USP40: variants seen among roughly 807,000 people sequenced by gnomAD.
USP40 encodes ubiquitin specific peptidase 40.
USP40 carries 143 observed loss-of-function variants against 166.2 expected under a neutral mutation model. That is an observed-to-expected ratio of 0.86 (90% CI 0.75 to 0.99). The LOEUF (loss-of-function observed/expected upper bound fraction) is 0.99, where lower values mean the gene tolerates loss of function less well. USP40 is among the 50% of genes least tolerant of loss of function. The probability of loss-of-function intolerance (pLI) is 0.00; values close to 1 mark genes in which losing one functional copy is unlikely to be tolerated. For synonymous variants in USP40, 498 were observed against 524.0 expected (o/e 0.95, Z 0.68); for missense variants, 1,444 against 1,479.7 (o/e 0.98, Z 0.40).
chr2:233,532,077 A>T lies in USP40; in HGVS notation c.1471+1402T>A, dbSNP rs141695946. ...ATTGGCTGACCCCAACGAATCAGAC[A>T]GTGGGTGGAGTCTTCGTTTGCAACT... On this transcript the variant is annotated intron_variant, in intron 11 of 31. Transcript: ENST00000678225. Among the ~76,000 whole-genome samples, 979 of 152,346 alleles carry T rather than the reference A, an allele frequency of 6.4e-3. 4 individuals are homozygous for T. Among genetic ancestry groups the T allele is most frequent in the African/African-American group, 0.022 (926 of 41,590 alleles).
At chr2:233,494,832 A>C (rs1217710913) in intron 24 of USP40, among the ~76,000 whole-genome samples, 1 of 145,054 alleles carries the variant, frequency 6.9e-6, no homozygotes, top group Non-Finnish European at 1.5e-5. Context: ...TCTAAAAAAA[A>C]AAAAAAAAAA....
chr2:233,548,327 T>C (rs1463869992), intron 8 of USP40, among the ~76,000 whole-genome samples: 1 of 152,186 alleles, frequency 6.6e-6, no homozygotes, highest in Non-Finnish European at 1.5e-5. Flanking sequence ...TTAAATCCTA[T>C]TGTGAAAGCT....
chr2:233,479,551 G>T (rs2064409546), intron 31 of USP40, among the ~76,000 whole-genome samples: 1 of 147,800 alleles, frequency 6.8e-6, no homozygotes, highest in African/African-American at 2.6e-5. Context: ...GACAAGGTGG[G>T]ACTCCGTCGC....
intron 21 of USP40, among the ~76,000 whole-genome samples, chr2:233,507,581 C>T (rs1242712905): frequency 6.7e-6 from 1 of 150,316 alleles, no homozygotes; most frequent in East Asian, 1.9e-4. Flanking sequence ...CACAGAAAGG[C>T]TGATCGGTAA....
At chr2:233,535,260 A>G (rs2068852839) in intron 10 of USP40, among the ~76,000 whole-genome samples, 2 of 152,204 alleles carry the variant, frequency 1.3e-5, no homozygotes, top group African/African-American at 4.8e-5. Flanking sequence ...AGGAGGTTCA[A>G]TATCTGAGCA....
chr2:233,538,314 T>C (rs2069090049), intron 10 of USP40, among the ~76,000 whole-genome samples: 1 of 151,960 alleles, frequency 6.6e-6, no homozygotes. Flanking sequence ...TAACTAAACA[T>C]TCTAATAAAA....
At chr2:233,535,745 G>A (rs1477348340) in intron 10 of USP40, among the ~76,000 whole-genome samples, 3 of 152,082 alleles carry the variant, frequency 2.0e-5, no homozygotes, top group Non-Finnish European at 2.9e-5. Flanking sequence ...TATGGAGCAG[G>A]GGGGCAAGAC....
chr2:233,498,529 T>C lies in USP40; in HGVS notation c.2715+19A>G, dbSNP rs750144689. The C allele has an allele frequency of 1.9e-5, 30 of 1,604,954 alleles. No homozygotes were observed. Among genetic ancestry groups the C allele is most frequent in the Non-Finnish European group, 2.4e-5 (28 of 1,175,602 alleles). On this transcript the variant is annotated intron_variant, in intron 23 of 31. Transcript: ENST00000678225. ...TAAATGTAATCATACGAAAGTACAA[T>C]GTATAGAAATCATCTTACTTCTTCA...
intron 1 of USP40, among the ~76,000 whole-genome samples, chr2:233,566,437 G>A (rs1424664453): frequency 1.3e-5 from 2 of 152,188 alleles, no homozygotes; most frequent in Admixed American, 6.5e-5. Flanking sequence ...CCTCGAGCTC[G>A]TTGTCTGCAT....
intron 8 of USP40, among the ~76,000 whole-genome samples, chr2:233,545,204 A>T (rs1400108443): frequency 1.3e-5 from 2 of 152,214 alleles, no homozygotes; most frequent in Non-Finnish European, 2.9e-5. Flanking sequence ...TAATAAAATA[A>T]GTATGTTTAA....
chr2:233,488,167 G>T, intron 28 of USP40, 72 bp downstream of exon 28: 2 of 1,308,288 alleles, frequency 1.5e-6, no homozygotes, highest in Non-Finnish European at 2.2e-6. Flanking sequence ...CTATGAAGTT[G>T]TTAAAGCTTC....
intron 13 of USP40, among the ~76,000 whole-genome samples, chr2:233,526,830 T>C (rs983784088): frequency 1.3e-5 from 2 of 152,172 alleles, no homozygotes; most frequent in African/African-American, 4.8e-5. Context: ...TGTGTCTTCA[T>C]GAGATTAAAG....
At chr2:233,496,908 T>C in intron 23 of USP40, 76 bp from the exon 24 acceptor site, 1 of 1,068,254 alleles carries the variant, frequency 9.4e-7, no homozygotes. Flanking sequence ...TAAAACCCCA[T>C]GCCTCTATTA....
Position 233,523,382 on chromosome 2 carries a change from T to G in USP40, c.1989A>C (p.Glu663Asp). 1.2e-6 allele frequency: 2 copies of G among 1,614,008 alleles called. No homozygotes were observed. Among genetic ancestry groups the G allele is most frequent in the Non-Finnish European group, 1.7e-6 (2 of 1,179,884 alleles). ...SDGEKCCQVIESPHVFPANAE... is the reference protein window; with the variant it reads ...SDGEKCCQVIDSPHVFPANAE... ...CATTAGCTGGAAAGACATGTGGAGA[T>G]TCTATCACCTGACAACACTTTTCTC... Residue 663 changes from glutamate to aspartate, a missense_variant, in exon 16 of 32, where the codon GAA becomes GAC. By Grantham distance (45) the Glu-to-Asp change is conservative. Transcript: ENST00000678225.
At chr2:233,502,726 G>A (rs539687390) in intron 21 of USP40, among the ~76,000 whole-genome samples, 12 of 151,924 alleles carry the variant, frequency 7.9e-5, no homozygotes, top group South Asian at 2.1e-4. Flanking sequence ...ACAAACACCC[G>A]TAACCTAGGA....
At chr2:233,481,036 G>A (rs1471696502) in intron 31 of USP40, among the ~76,000 whole-genome samples, 167 bp downstream of exon 31, 2 of 152,182 alleles carry the variant, frequency 1.3e-5, no homozygotes, top group African/African-American at 4.8e-5. Context: ...AGGCACTCAA[G>A]GAGAGGAAAG....
In USP40 at chr2:233,485,590, G is replaced by C. The variant is rs2064892266; in HGVS notation, c.3445C>G (p.Gln1149Glu). Residue 1149 changes from glutamine (Q) to glutamate (E), a missense_variant, in exon 30 of 32, where the codon CAA becomes GAA. Coordinates refer to ENST00000678225, the MANE Select transcript of USP40 (RefSeq NM_001365479.2). ...QITKRKKKKK[Q>E]DYLQGAPYYL... ...TACGGTGCCCCTTGCAAATAATCTT[G>C]TTTTTTTTTCTTTTTCCTCTTGGTT... 6.3e-7 allele frequency: 1 copy of C among 1,597,432 alleles called. No individual in the cohort carries two copies. Among genetic ancestry groups the C allele is most frequent in the South Asian group, 1.1e-5 (1 of 90,236 alleles).
chr2:233,533,766 T>C lies in USP40; in HGVS notation c.1184A>G (p.His395Arg). 6.3e-7 allele frequency: 1 copy of C among 1,598,408 alleles called. No individual in the cohort carries two copies. Among genetic ancestry groups the C allele is most frequent in the Admixed American group, 1.7e-5 (1 of 57,664 alleles). ...HGPLRKFLQL[H>R]SQIFLLSSDE... ...TGAACTGAGTAGAAATATCTGAGAA[T>C]GGAGCTGTAAGAACTACACAGAAAC... Residue 395 changes from histidine (H) to arginine (R), a missense_variant, in exon 11 of 32, where the codon CAT becomes CGT. Physicochemically the swap from His to Arg is conservative, Grantham distance 29. Coordinates refer to ENST00000678225, the MANE Select transcript of USP40 (RefSeq NM_001365479.2).
At chr2:233,494,956 T>G (rs13026007) in intron 24 of USP40, among the ~76,000 whole-genome samples, 4 of 35,504 alleles carry the variant, frequency 1.1e-4, no homozygotes, top group African/African-American at 3.4e-4. Context: ...ATATATATAT[T>G]TATATATATA....
Sources: gnomAD v4.1 joint callset for allele counts (sites outside exome capture counted in the v4.1 genomes callset) on GRCh38, gnomAD v4.1.1 for gene constraint, MANE v1.5 for transcripts, NCBI Gene and HGNC (gene_info 2026-07-23, HGNC 2026-07-21) for gene names.